Variants in ANPEP observed in about 807,000 individuals in gnomAD.
The protein encoded by ANPEP is alanyl aminopeptidase, membrane.
A neutral mutation model predicts 114.6 loss-of-function variants in ANPEP; 70 were observed. The observed-to-expected ratio is 0.61, with a 90% CI of 0.50 to 0.75. The LOEUF (loss-of-function observed/expected upper bound fraction) is 0.75, where lower values mean the gene tolerates loss of function less well. Among genes scored for constraint, ANPEP ranks in the 30% least tolerant of loss-of-function variants. The pLI, the probability that ANPEP is intolerant of heterozygous loss-of-function variation, is 0.00. For missense variants in ANPEP, 1,184 were observed against 1,259.5 expected (o/e 0.94, Z 0.91); for synonymous variants, 548 against 522.3 (o/e 1.05, Z -0.67).
chr15:89,796,832 T>G (rs1459866688), intron 15 of ANPEP, among the ~76,000 whole-genome samples: 1 of 152,202 alleles, frequency 6.6e-6, no homozygotes, highest in African/African-American at 2.4e-5. Flanking sequence ...AAAAGATCTC[T>G]TCAAGCATGA....
chr15:89,792,395 A>G lies in ANPEP; in HGVS notation c.2360+57T>C, dbSNP rs1968647968. The G allele has an allele frequency of 5.6e-6, 9 of 1,612,762 alleles. No individual in the cohort carries two copies. In the Admixed American group the frequency reaches 1.5e-4, roughly 27 times the overall value. On this transcript the variant is annotated intron_variant, in intron 17 of 20. Coordinates refer to ENST00000300060, the MANE Select transcript of ANPEP (RefSeq NM_001150.3). ...AGGGTGGGACAGGGTTCTGCTGAGGACGGGGCTGTTGGGGGCAGATGAAGA... is the reference window on the plus strand; with the variant it reads ...AGGGTGGGACAGGGTTCTGCTGAGGGCGGGGCTGTTGGGGGCAGATGAAGA...
Position 89,803,923 on chromosome 15 carries a change from AG to A in ANPEP, c.1258del (p.Leu420TrpfsTer12), listed in dbSNP as rs777540814. 8 of 1,614,040 alleles carry A rather than the reference AG, an allele frequency of 5.0e-6. No individual in the cohort carries two copies. ...NEGFASYVEY[L>X]GADYAEPTWN... is the part of the protein sequence containing the mutation. Reference sequence around the variant, plus strand: ...GGTGGGCTCCGCATAGTCAGCACCCAGGTACTCCACGTAGGAGGCGAAGCCC... The same window carrying A: ...GGTGGGCTCCGCATAGTCAGCACCCAGTACTCCACGTAGGAGGCGAAGCCC... On this transcript the variant is annotated frameshift_variant, in exon 7 of 21. Coordinates refer to ENST00000300060, the MANE Select transcript of ANPEP (RefSeq NM_001150.3). LOFTEE classifies it high-confidence loss of function. The surrounding 1 kb of genome is among the most constrained non-coding windows in gnomAD (Gnocchi z 4.2).
Position 89,799,200 on chromosome 15 carries a change from GGACTCA to G in ANPEP, c.2009+54_2009+59del, listed in dbSNP as rs1477006800. 16 of 1,593,334 alleles carry G rather than the reference GGACTCA, an allele frequency of 1.0e-5. No homozygotes were observed. Among genetic ancestry groups the G allele is most frequent in the African/African-American group, 1.3e-5 (1 of 74,522 alleles). ...CAGGAGGAGCAGGGGCCCTCATTGT[GGACTCA>G]GACTTGCTGAAGTCACGAGCTTCTG... is the stretch of plus-strand genomic sequence containing the variant. On this transcript the variant is annotated intron_variant, in intron 14 of 20. Transcript: ENST00000300060. This position sits in a 1 kb window ranked among gnomAD's most constrained non-coding sequence, Gnocchi z 4.2.
At chr15:89,795,764 C>T (rs1455051059) in intron 15 of ANPEP, among the ~76,000 whole-genome samples, 1 of 152,190 alleles carries the variant, frequency 6.6e-6, no homozygotes, top group Admixed American at 6.5e-5. Flanking sequence ...AACCCTTTCT[C>T]AAAAACTCCT....
Position 89,801,486 on chromosome 15 carries a change from T to C in ANPEP, c.1691A>G (p.Glu564Gly), listed in dbSNP as rs546399148. The change falls in exon 11 of 21, where the codon GAG becomes GGG. Residue 564 changes from glutamate to glycine, a missense_variant. Coordinates refer to ENST00000300060, the MANE Select transcript of ANPEP (RefSeq NM_001150.3). ...VDTSTGTLSQ[E>G]HFLLDPDSNV... The stretch of plus-strand genomic sequence containing the variant: ...GGAATCGGGGTCAAGGAGGAAGTGC[T>C]CCTGGGAAAGGGTCCCCGTGCTGGT... The C allele has an allele frequency of 1.2e-6, 2 of 1,614,134 alleles. No homozygotes were observed. The highest frequency in any genetic ancestry group is 1.1e-5 in the South Asian group (1 of 91,078).
chr15:89,797,432 T>G (rs972378538), intron 15 of ANPEP, 143 bp downstream of exon 15: 1 of 1,253,740 alleles, frequency 8.0e-7, no homozygotes, highest in African/African-American at 1.6e-5. Context: ...CAAGGCAATC[T>G]TTCTTTTTTT....
chr15:89,804,453 TC>T, intron 5 of ANPEP, 37 bp downstream of exon 5: 1 of 1,614,000 alleles, frequency 6.2e-7, no homozygotes, highest in Non-Finnish European at 8.5e-7. Flanking sequence ...GGAGTGGAGC[TC>T]CATCCACTGC....
rs1433128674 is a variant in ANPEP at position 89,785,271 on chromosome 15, G to A, written c.*78C>T. 2.6e-6 allele frequency: 4 copies of A among 1,566,596 alleles called. No homozygotes were observed. Among genetic ancestry groups the A allele is most frequent in the Non-Finnish European group, 3.5e-6 (4 of 1,145,306 alleles). ...CACTGGTGCCTCGGGCTCCAGGAAT[G>A]GAGGCCCTGCACCAGCCGCTGGGAT... On this transcript the variant is annotated 3_prime_UTR_variant, in exon 21 of 21. Coordinates refer to ENST00000300060, the MANE Select transcript of ANPEP (RefSeq NM_001150.3).
chr15:89,811,419 G>A (rs2141817213), intron 1 of ANPEP, among the ~76,000 whole-genome samples: 1 of 152,230 alleles, frequency 6.6e-6, no homozygotes, highest in Middle Eastern at 3.4e-3. Flanking sequence ...GGCTGAGGCG[G>A]ACGGATCACG....
chr15:89,796,294 C>G (rs1015246312), intron 15 of ANPEP, among the ~76,000 whole-genome samples: 1 of 152,214 alleles, frequency 6.6e-6, no homozygotes, highest in South Asian at 2.1e-4. Context: ...AAACATAGTG[C>G]TCTACATGGC....
At chr15:89,805,800 T>A (rs73478027) in intron 2 of ANPEP, among the ~76,000 whole-genome samples, 170 bp downstream of exon 2, 4,405 of 152,162 alleles carry the variant, frequency 0.029, 217 homozygotes, top group African/African-American at 0.1. Flanking sequence ...GCCCTCCCAG[T>A]TCGGTGCATT....
chr15:89,797,657 T>C lies in ANPEP; in HGVS notation c.2075A>G (p.Tyr692Cys), dbSNP rs762220968. 10 of 1,613,968 alleles carry C rather than the reference T, an allele frequency of 6.2e-6. No individual in the cohort carries two copies. Among genetic ancestry groups the C allele is most frequent in the African/African-American group, 1.3e-5 (1 of 74,898 alleles). The part of the protein sequence containing the change: ...NTLFLIEERQ[Y>C]MPWEAALSSL... ...GCTCAGGGCGGCCTCCCAGGGCATG[T>C]ACTGTCTCTCTTCAATCAGGAAGAG... The change falls in exon 15 of 21, where the codon TAC becomes TGC. Residue 692 changes from tyrosine (Y) to cysteine (C), a missense_variant. Tyr to Cys is a radical substitution (Grantham distance 194). Transcript: ENST00000300060.
chr15:89,814,476 C>T lies in ANPEP; in HGVS notation c.-224+296G>A, dbSNP rs145778739. ...GCCCTCCCCGTCCGTCCTCCCCAGG[C>T]TCCCGTCGCCCTCGCCCACCCTGGG... is the stretch of plus-strand genomic sequence containing the variant. On this transcript the variant is annotated intron_variant, in intron 1 of 20. Coordinates refer to ENST00000300060, the MANE Select transcript of ANPEP (RefSeq NM_001150.3). Among the ~76,000 whole-genome samples the T allele has an allele frequency of 5.6e-3, 854 of 152,270 alleles. 9 individuals are homozygous for T. The highest frequency in any genetic ancestry group is 0.02 in the African/African-American group (811 of 41,564).
At chr15:89,797,044 A>G (rs1381374913) in intron 15 of ANPEP, among the ~76,000 whole-genome samples, 2 of 152,168 alleles carry the variant, frequency 1.3e-5, no homozygotes, top group African/African-American at 2.4e-5. Context: ...TCAGCCCTCA[A>G]ATAGGCCCCT....
In ANPEP at chr15:89,785,257, C is replaced by G; in HGVS notation, c.*92G>C. Reference sequence around the variant, plus strand: ...CCTTGAGGGGAGGACACTGGTGCCTCGGGCTCCAGGAATGGAGGCCCTGCA... The same window carrying G: ...CCTTGAGGGGAGGACACTGGTGCCTGGGGCTCCAGGAATGGAGGCCCTGCA... On this transcript the variant is annotated 3_prime_UTR_variant, in exon 21 of 21. Transcript: ENST00000300060. 1 of 1,509,156 alleles carries G rather than the reference C, an allele frequency of 6.6e-7. No homozygotes were observed. Among genetic ancestry groups the G allele is most frequent in the Non-Finnish European group, 9.1e-7 (1 of 1,099,992 alleles). 93.5% of individuals were successfully genotyped at this position (1,509,156 alleles called of 1,614,324 possible).
At chr15:89,794,097 T>G (rs1020292575) in intron 15 of ANPEP, among the ~76,000 whole-genome samples, 1 of 152,232 alleles carries the variant, frequency 6.6e-6, no homozygotes, top group East Asian at 1.9e-4. Flanking sequence ...GAAAGGGAGA[T>G]GTACCAGGCT....
chr15:89,804,823 T>G, intron 4 of ANPEP: 1 of 833,328 alleles, frequency 1.2e-6, no homozygotes. Flanking sequence ...CTTTGGAGAA[T>G]AACAATCATC....
Position 89,803,238 on chromosome 15 carries a change from C to T in ANPEP, c.1569+1G>A. ...CTGTGGAGGGGCTGGCTGCTACTGA[C>T]CTCCTGCAGGTGGTCCCACAGGTTC... On this transcript the variant is annotated splice_donor_variant, in intron 10 of 20. Coordinates refer to ENST00000300060, the MANE Select transcript of ANPEP (RefSeq NM_001150.3). LOFTEE classifies it high-confidence loss of function. This position sits in a 1 kb window ranked among gnomAD's most constrained non-coding sequence, Gnocchi z 4.2. 6.2e-7 allele frequency: 1 copy of T among 1,613,978 alleles called. No homozygotes were observed. The highest frequency in any genetic ancestry group is 8.5e-7 in the Non-Finnish European group (1 of 1,179,842).
At chr15:89,809,858 T>A (rs117114947) in intron 1 of ANPEP, among the ~76,000 whole-genome samples, 20 of 152,366 alleles carry the variant, frequency 1.3e-4, no homozygotes, top group Non-Finnish European at 2.6e-4. Flanking sequence ...CTGCCCACTG[T>A]GGCTCCAGCT....
Sources: allele counts gnomAD v4.1 joint callset (sites outside exome capture counted in the v4.1 genomes callset), GRCh38; gene constraint gnomAD v4.1.1; non-coding constraint Gnocchi (gnomAD v3.1); transcripts MANE v1.5; gene names NCBI Gene and HGNC (gene_info 2026-07-23, HGNC 2026-07-21).